AMN1: variants seen among roughly 807,000 people sequenced by gnomAD.
The protein encoded by AMN1 is antagonist of mitotic exit network 1 homolog.
A neutral mutation model predicts 33.0 loss-of-function variants in AMN1; 20 were observed. The ratio of observed to expected loss-of-function variants is 0.61; its 90% confidence interval spans 0.43 to 0.88. The LOEUF is 0.88. Among genes scored for constraint, AMN1 ranks in the 40% least tolerant of loss-of-function variants. The probability of loss-of-function intolerance (pLI) is 0.00; values close to 1 mark genes in which losing one functional copy is unlikely to be tolerated. For missense variants in AMN1, 246 were observed against 307.4 expected, an observed-to-expected ratio of 0.80 and a Z score of 1.49; for synonymous variants, 114 against 111.9, an observed-to-expected ratio of 1.02 and a Z score of -0.12.
intron 6 of AMN1, among the ~76,000 whole-genome samples, chr12:31,682,103 T>C (rs1053136618): frequency 6.6e-6 from 1 of 152,242 alleles, no homozygotes; most frequent in Non-Finnish European, 1.5e-5. Context: ...AATTTGGAAA[T>C]GCTTGGACAA....
intron 1 of AMN1, among the ~76,000 whole-genome samples, chr12:31,715,137 C>A (rs1218607181): frequency 1.3e-5 from 2 of 152,196 alleles, no homozygotes; most frequent in Non-Finnish European, 2.9e-5. Flanking sequence ...GTTAGAAAGA[C>A]CAACATTTTA....
intron 2 of AMN1, among the ~76,000 whole-genome samples, chr12:31,707,746 G>A (rs975629432): frequency 2.0e-5 from 3 of 152,078 alleles, no homozygotes; most frequent in Non-Finnish European, 4.4e-5. Flanking sequence ...CAGTCTCCAC[G>A]ACTCTGGTTG....
intron 6 of AMN1, among the ~76,000 whole-genome samples, chr12:31,674,188 C>G (rs1371621312): frequency 2.0e-5 from 3 of 152,060 alleles, no homozygotes; most frequent in Non-Finnish European, 4.4e-5. Flanking sequence ...GCGGGCAGAT[C>G]ATGAGGTCAG....
intron 2 of AMN1, among the ~76,000 whole-genome samples, chr12:31,707,469 T>C (rs1302531719): frequency 1.3e-5 from 2 of 152,214 alleles, no homozygotes; most frequent in South Asian, 2.1e-4. Flanking sequence ...ATGCTGCAGA[T>C]GAAATTGCTG....
intron 1 of AMN1, chr12:31,719,348 T>C (rs947392596): frequency 1.0e-6 from 1 of 983,492 alleles, no homozygotes. Context: ...AAATCTTTCC[T>C]AAGCATCACT....
intron 6 of AMN1, among the ~76,000 whole-genome samples, chr12:31,681,452 G>A (rs1030909939): frequency 1.8e-4 from 28 of 151,922 alleles, no homozygotes; most frequent in African/African-American, 6.5e-4. Flanking sequence ...TGGTCTCATA[G>A]TCCTGACCTC....
At chr12:31,725,369 A>C (rs1295786827) in intron 1 of AMN1, among the ~76,000 whole-genome samples, 1 of 152,204 alleles carries the variant, frequency 6.6e-6, no homozygotes, top group Non-Finnish European at 1.5e-5. Flanking sequence ...AGTCAGCTAA[A>C]ACTTATAATC....
intron 1 of AMN1, among the ~76,000 whole-genome samples, chr12:31,718,485 T>C (rs533354384): frequency 3.9e-5 from 6 of 152,250 alleles, no homozygotes; most frequent in Admixed American, 3.3e-4. Context: ...CTCTGGAGAA[T>C]AGGCATTCTG....
chr12:31,672,455 A>G, intron 6 of AMN1, 78 bp from the exon 7 acceptor site: 1 of 991,248 alleles, frequency 1.0e-6, no homozygotes, highest in Non-Finnish European at 1.6e-6. Context: ...ACTGGAGGTG[A>G]TGTTAATTAT....
intron 5 of AMN1, among the ~76,000 whole-genome samples, chr12:31,690,851 A>C (rs545214630): frequency 6.6e-6 from 1 of 152,290 alleles, no homozygotes; most frequent in South Asian, 2.1e-4. Flanking sequence ...AGCAATAAAA[A>C]GGGGCTGAGT....
chr12:31,709,636 T>C (rs768923317), intron 1 of AMN1, among the ~76,000 whole-genome samples: 7 of 152,014 alleles, frequency 4.6e-5, no homozygotes, highest in Admixed American at 1.3e-4. Flanking sequence ...CTGAACAACA[T>C]AGTGAAACCC....
intron 1 of AMN1, among the ~76,000 whole-genome samples, chr12:31,727,217 G>A (rs955481806): frequency 2.6e-5 from 4 of 152,100 alleles, no homozygotes; most frequent in Non-Finnish European, 5.9e-5. Flanking sequence ...CCAGCTCCAT[G>A]CCACCAGAAA....
At chr12:31,724,785 A>G (rs1940002035) in intron 1 of AMN1, among the ~76,000 whole-genome samples, 1 of 152,150 alleles carries the variant, frequency 6.6e-6, no homozygotes, top group Admixed American at 6.5e-5. Flanking sequence ...GTGTTTCCCA[A>G]AGTAAATGGT....
At chr12:31,673,857 T>C (rs73090331) in intron 6 of AMN1, among the ~76,000 whole-genome samples, 23,559 of 152,200 alleles carry the variant, frequency 0.15, 1,965 homozygotes, top group South Asian at 0.18. Context: ...TGTGTTAATG[T>C]CCTATTGCTG....
intron 6 of AMN1, among the ~76,000 whole-genome samples, chr12:31,682,191 C>A (rs554420098): frequency 1.3e-5 from 2 of 152,242 alleles, no homozygotes; most frequent in African/African-American, 4.8e-5. Flanking sequence ...TGGCATGTTG[C>A]CCTTCACAAA....
intron 2 of AMN1, among the ~76,000 whole-genome samples, chr12:31,706,692 T>C (rs1939254293): frequency 6.6e-6 from 1 of 152,200 alleles, no homozygotes; most frequent in South Asian, 2.1e-4. Context: ...AAAGAGTGAT[T>C]AACCATCTTT....
At chr12:31,723,195 G>A (rs149592193) in intron 1 of AMN1, among the ~76,000 whole-genome samples, 5 of 152,056 alleles carry the variant, frequency 3.3e-5, no homozygotes, top group Admixed American at 6.5e-5. Flanking sequence ...TTGGAACACT[G>A]CCTTTGACTG....
At chr12:31,725,544 A>G (rs1268055589) in intron 1 of AMN1, among the ~76,000 whole-genome samples, 4 of 152,200 alleles carry the variant, frequency 2.6e-5, no homozygotes, top group Admixed American at 1.3e-4. Context: ...GACTGCTTCT[A>G]ATGTAAGTGT....
At chr12:31,705,497 A>G (rs1939193126) in intron 2 of AMN1, among the ~76,000 whole-genome samples, 1 of 152,058 alleles carries the variant, frequency 6.6e-6, no homozygotes, top group South Asian at 2.1e-4. Context: ...GTCTCAAAAA[A>G]AAAACAACAA....
Sources: gnomAD v4.1 joint callset for allele counts (sites outside exome capture counted in the v4.1 genomes callset) on GRCh38, gnomAD v4.1.1 for gene constraint, MANE v1.5 for transcripts, NCBI Gene and HGNC (gene_info 2026-07-23, HGNC 2026-07-21) for gene names.